The following DCLK2 variants were observed in gnomAD, a reference collection of about 807,000 sequenced individuals.
The protein encoded by DCLK2 is doublecortin like kinase 2.
In DCLK2, 31 loss-of-function variants were observed where a neutral mutation model predicts 78.4. That is an observed-to-expected ratio of 0.40 (90% CI 0.30 to 0.53). The LOEUF is 0.53. Ranked by LOEUF, DCLK2 falls within the 20% of genes least tolerant of loss-of-function variation. DCLK2 has a pLI of 0.61. For synonymous variants in DCLK2, 407 were observed against 374.9 expected (o/e 1.09, Z -0.99); for missense variants, 872 against 973.7 (o/e 0.90, Z 1.39).
chr4:150,089,547 C>T (rs997839923), intron 1 of DCLK2, among the ~76,000 whole-genome samples: 2 of 152,148 alleles, frequency 1.3e-5, no homozygotes, highest in Non-Finnish European at 2.9e-5. Flanking sequence ...CAAACTTTAA[C>T]AATGGTAGCC....
intron 2 of DCLK2, among the ~76,000 whole-genome samples, chr4:150,143,320 C>T (rs865931743): frequency 2.1e-4 from 32 of 152,076 alleles, no homozygotes; most frequent in Middle Eastern, 3.2e-3. Flanking sequence ...GGTGTCATAA[C>T]TTTGCTATTG....
chr4:150,162,316 G>C (rs1048408112), intron 2 of DCLK2, among the ~76,000 whole-genome samples: 2 of 152,168 alleles, frequency 1.3e-5, no homozygotes, highest in African/African-American at 4.8e-5. Flanking sequence ...ACAGGCATGA[G>C]CCACTGCATC....
At chr4:150,153,084 AT>A (rs1735008048) in intron 2 of DCLK2, among the ~76,000 whole-genome samples, 1 of 152,198 alleles carries the variant, frequency 6.6e-6, no homozygotes, top group Admixed American at 6.5e-5. Flanking sequence ...GTAAATGAGA[AT>A]TTTATTGGTC....
Position 150,079,335 on chromosome 4 carries a change from T to C in DCLK2, c.308T>C (p.Leu103Pro). ...CGCTTCCGGTCCTTCGATGCGCTCCTCATAGAGCTCACCCGCTCCCTGTCG... is the reference window on the plus strand; with the variant it reads ...CGCTTCCGGTCCTTCGATGCGCTCCCCATAGAGCTCACCCGCTCCCTGTCG... ...SDRFRSFDAL[L>P]IELTRSLSDN... The change falls in exon 1 of 16, where the codon CTC becomes CCC. Residue 103 changes from leucine to proline, a missense_variant. Coordinates refer to ENST00000296550, the MANE Select transcript of DCLK2 (RefSeq NM_001040260.4). The C allele has an allele frequency of 6.3e-7, 1 of 1,588,166 alleles. No homozygotes were observed. Among genetic ancestry groups the C allele is most frequent in the Non-Finnish European group, 8.6e-7 (1 of 1,167,330 alleles).
chr4:150,234,359 G>A (rs1742316716), intron 10 of DCLK2, among the ~76,000 whole-genome samples: 1 of 152,160 alleles, frequency 6.6e-6, no homozygotes, highest in African/African-American at 2.4e-5. Context: ...GGCAAGGTTT[G>A]TGTCTAATTA....
At chr4:150,162,004 T>C (rs1320126007) in intron 2 of DCLK2, among the ~76,000 whole-genome samples, 2 of 152,156 alleles carry the variant, frequency 1.3e-5, no homozygotes, top group East Asian at 3.9e-4. Context: ...ACTTTCTTCA[T>C]GTCACCACCG....
At chr4:150,207,643 C>G (rs1739939042) in intron 5 of DCLK2, among the ~76,000 whole-genome samples, 1 of 152,134 alleles carries the variant, frequency 6.6e-6, no homozygotes, top group Admixed American at 6.5e-5. Flanking sequence ...CTTTCTTCAA[C>G]TTGTGAATGA....
chr4:150,198,115 A>C lies in DCLK2; in HGVS notation c.961+12A>C, dbSNP rs778349945. ...ATCACCAGCTTCAGGTAGTTAATGG[A>C]AAAGGAATAGATGGTCATAGCAGGA... On this transcript the variant is annotated intron_variant, in intron 4 of 15. Coordinates refer to ENST00000296550, the MANE Select transcript of DCLK2 (RefSeq NM_001040260.4). 6.2e-7 allele frequency: 1 copy of C among 1,605,072 alleles called. No individual in the cohort carries two copies. The highest frequency in any genetic ancestry group is 1.1e-5 in the South Asian group (1 of 90,496).
intron 15 of DCLK2, among the ~76,000 whole-genome samples, chr4:150,250,974 T>C (rs189989365): frequency 0.39 from 71 of 182 alleles, 21 homozygotes; most frequent in Non-Finnish European, 0.5. Context: ...ACACCACACA[T>C]CCCCCACACC....
At chr4:150,159,688 C>T (rs971624395) in intron 2 of DCLK2, among the ~76,000 whole-genome samples, 4 of 152,012 alleles carry the variant, frequency 2.6e-5, no homozygotes, top group South Asian at 2.1e-4. Flanking sequence ...CCAATTTGCA[C>T]GAAGGTAAAT....
At chr4:150,144,892 C>T (rs1004909374) in intron 2 of DCLK2, among the ~76,000 whole-genome samples, 56 of 152,144 alleles carry the variant, frequency 3.7e-4, no homozygotes, top group South Asian at 6.2e-4. Context: ...AGCGTGTTTT[C>T]TCTAATTCTG....
intron 5 of DCLK2, among the ~76,000 whole-genome samples, chr4:150,218,033 C>T (rs544378378): frequency 1.3e-5 from 2 of 152,178 alleles, no homozygotes; most frequent in South Asian, 2.1e-4. Context: ...ATGCCATGCT[C>T]GCTGTTGCTC....
chr4:150,079,424 A>C lies in DCLK2; in HGVS notation c.397A>C (p.Thr133Pro). ...IYTIDGSRKVTSLDELLEGES... is the reference protein window; with the variant it reads ...IYTIDGSRKVPSLDELLEGES... ...CACCATCGACGGCAGCCGGAAGGTC[A>C]CCAGCCTGGACGAGCTGCTGGAAGG... The change falls in exon 1 of 16, where the codon ACC (threonine) becomes CCC (proline). Residue 133 changes from threonine (T) to proline (P), a missense_variant. Transcript: ENST00000296550. 1.3e-6 allele frequency: 2 copies of C among 1,541,586 alleles called. No homozygotes were observed. Among genetic ancestry groups the C allele is most frequent in the South Asian group, 1.2e-5 (1 of 81,734 alleles).
chr4:150,163,214 A>G (rs1038748021), intron 2 of DCLK2, among the ~76,000 whole-genome samples: 4 of 152,060 alleles, frequency 2.6e-5, no homozygotes, highest in Non-Finnish European at 5.9e-5. Flanking sequence ...CCTGGCCAAC[A>G]TGGTGAAACC....
At chr4:150,178,318 G>A (rs1215219753) in intron 2 of DCLK2, among the ~76,000 whole-genome samples, 2 of 152,176 alleles carry the variant, frequency 1.3e-5, no homozygotes, top group African/African-American at 2.4e-5. Context: ...AGTTTTGGCT[G>A]TATTTCAGGA....
At chr4:150,106,073 A>T (rs1054141408) in intron 2 of DCLK2, among the ~76,000 whole-genome samples, 2 of 152,082 alleles carry the variant, frequency 1.3e-5, no homozygotes, top group Non-Finnish European at 2.9e-5. Flanking sequence ...CCAAAAAAAG[A>T]TCTTTTAAGA....
chr4:150,129,615 G>C (rs1329517078), intron 2 of DCLK2, among the ~76,000 whole-genome samples: 4 of 151,886 alleles, frequency 2.6e-5, no homozygotes, highest in Admixed American at 6.6e-5. Flanking sequence ...AGCTACTTGG[G>C]AGGCTGAGGC....
At chr4:150,099,182 C>T (rs79309414) in intron 1 of DCLK2, among the ~76,000 whole-genome samples, 5,913 of 152,196 alleles carry the variant, frequency 0.039, 238 homozygotes, top group Admixed American at 0.084. Flanking sequence ...CTAATCGCTT[C>T]TAATCAATCT....
At chr4:150,224,694 CAGTT>C (rs1741465480) in intron 8 of DCLK2, 136 bp downstream of exon 8, 1 of 593,332 alleles carries the variant, frequency 1.7e-6, no homozygotes, top group Non-Finnish European at 2.8e-6. Context: ...GTGGGAAAAA[CAGTT>C]AAGCGGTTTT....
Sources: gnomAD v4.1 joint callset for allele counts (sites outside exome capture counted in the v4.1 genomes callset) on GRCh38, gnomAD v4.1.1 for gene constraint, MANE v1.5 for transcripts, NCBI Gene and HGNC (gene_info 2026-07-23, HGNC 2026-07-21) for gene names.